Variants in ACTR3C observed in about 807,000 individuals in gnomAD.
ACTR3C encodes the protein actin-related protein 3C.
In ACTR3C, 18 loss-of-function variants were observed where a neutral mutation model predicts 26.3. That is an observed-to-expected ratio of 0.68 (90% CI 0.47 to 1.01). The LOEUF (loss-of-function observed/expected upper bound fraction) is 1.01, where lower values mean the gene tolerates loss of function less well. Among genes scored for constraint, ACTR3C ranks in the 50% least tolerant of loss-of-function variants. ACTR3C has a pLI of 0.00. For synonymous variants in ACTR3C, 55 were observed against 94.5 expected (o/e 0.58, Z 2.42); for missense variants, 184 against 250.7 (o/e 0.73, Z 1.80).
chr7:149,914,603 TAA>T, the ACTR3C span, among the ~76,000 whole-genome samples: 230 of 128,322 alleles, frequency 1.8e-3, 2 homozygotes, highest in South Asian at 0.038. Context: ...ACAGAAGTAG[TAA>T]AAAAAAAAAA....
the ACTR3C span, among the ~76,000 whole-genome samples, chr7:150,038,692 C>A: frequency 2.5e-3 from 361 of 143,596 alleles, 50 homozygotes; most frequent in African/African-American, 8.2e-3. Context: ...TACTTGGACA[C>A]CTAACACCCA....
the ACTR3C span, among the ~76,000 whole-genome samples, chr7:150,033,958 G>C: frequency 5.8e-5 from 6 of 103,568 alleles, no homozygotes; most frequent in Non-Finnish European, 1.1e-4. Context: ...AAGAGCGAGG[G>C]GGGGAAGGGG....
At chr7:150,122,622 G>A in the ACTR3C span, among the ~76,000 whole-genome samples, 5 of 152,162 alleles carry the variant, frequency 3.3e-5, no homozygotes, top group African/African-American at 7.2e-5. Context: ...AAATAAGAAC[G>A]CTTTTACACT....
At chr7:150,283,443 A>T (rs1013225270) in intron 6 of ACTR3C, among the ~76,000 whole-genome samples, 1 of 150,192 alleles carries the variant, frequency 6.7e-6, no homozygotes, top group Non-Finnish European at 1.5e-5. Flanking sequence ...AACAGAAAAA[A>T]ATTTTAATTA....
chr7:150,261,558 A>C (rs1462271263), intron 6 of ACTR3C, among the ~76,000 whole-genome samples: 17 of 152,376 alleles, frequency 1.1e-4, no homozygotes, highest in African/African-American at 4.1e-4. Flanking sequence ...AAAAATTAGC[A>C]GGGCGTGGTG....
At chr7:150,307,821 A>G (rs1278649726) in intron 1 of ACTR3C, among the ~76,000 whole-genome samples, 1 of 152,162 alleles carries the variant, frequency 6.6e-6, no homozygotes, top group East Asian at 1.9e-4. Flanking sequence ...CAGCCCAAAC[A>G]AAACACCTCA....
chr7:149,883,924 G>A, the ACTR3C span, among the ~76,000 whole-genome samples: 15 of 151,656 alleles, frequency 9.9e-5, 1 homozygote, highest in South Asian at 6.3e-4. Flanking sequence ...GAACTGTTTC[G>A]TACCTCAGCA....
the ACTR3C span, among the ~76,000 whole-genome samples, chr7:150,034,033 G>C: frequency 3.2e-4 from 48 of 151,468 alleles, no homozygotes; most frequent in African/African-American, 1.0e-3. Flanking sequence ...CCAAGAGCCA[G>C]GGGGGGAAGA....
chr7:150,314,852 G>A (rs150054556), intron 1 of ACTR3C, among the ~76,000 whole-genome samples: 2,322 of 149,724 alleles, frequency 0.016, 28 homozygotes, highest in Non-Finnish European at 0.027. Context: ...CTCACAAGGC[G>A]GAGGCGAGCG....
At chr7:150,227,071 T>A in the ACTR3C span, among the ~76,000 whole-genome samples, 12 of 148,838 alleles carry the variant, frequency 8.1e-5, no homozygotes, top group African/African-American at 3.1e-4. Context: ...ATATACATTG[T>A]AGAAAGATTT....
At chr7:149,950,384 T>A in the ACTR3C span, among the ~76,000 whole-genome samples, 2 of 146,548 alleles carry the variant, frequency 1.4e-5, no homozygotes, top group South Asian at 4.2e-4. Flanking sequence ...CGAGGGTTGG[T>A]TGCCAGACTC....
chr7:150,123,347 G>A, the ACTR3C span, among the ~76,000 whole-genome samples: 4 of 152,190 alleles, frequency 2.6e-5, no homozygotes, highest in South Asian at 2.1e-4. Context: ...ACAGATGCAC[G>A]TAAAGCTGTT....
At chr7:150,170,547 A>G in the ACTR3C span, among the ~76,000 whole-genome samples, 7 of 150,314 alleles carry the variant, frequency 4.7e-5, no homozygotes, top group Admixed American at 2.0e-4. Context: ...GGCCCATTGA[A>G]CTCAGTCTCT....
At chr7:149,966,576 G>T in the ACTR3C span, among the ~76,000 whole-genome samples, 1 of 152,102 alleles carries the variant, frequency 6.6e-6, no homozygotes, top group African/African-American at 2.4e-5. Flanking sequence ...GAGGAAACTG[G>T]CCTACAGTTT....
the ACTR3C span, among the ~76,000 whole-genome samples, chr7:149,983,449 G>GTGTGTATATATACATA: frequency 4.3e-4 from 10 of 23,324 alleles, no homozygotes; most frequent in Non-Finnish European, 8.0e-4. Context: ...GTGTGTGTGT[G>GTGTGTATATATACATA]TATATATATA....
the ACTR3C span, among the ~76,000 whole-genome samples, chr7:150,206,895 T>C: frequency 2.7e-4 from 41 of 152,364 alleles, no homozygotes; most frequent in Admixed American, 6.5e-4. Flanking sequence ...TTGTTTTTAT[T>C]TTTTCATATC....
the ACTR3C span, among the ~76,000 whole-genome samples, chr7:150,028,665 G>A: frequency 1.3e-5 from 2 of 152,238 alleles, no homozygotes; most frequent in Non-Finnish European, 2.9e-5. Flanking sequence ...GGGAAGAGGA[G>A]GGCCTGTGCA....
At chr7:150,213,745 AC>A in the ACTR3C span, among the ~76,000 whole-genome samples, 2 of 150,678 alleles carry the variant, frequency 1.3e-5, no homozygotes, top group Non-Finnish European at 3.0e-5. Context: ...TTATGAGAAG[AC>A]AAAAAAGGGA....
downstream of ACTR3C, among the ~76,000 whole-genome samples, chr7:150,240,591 T>A (rs1262095731): frequency 6.6e-6 from 1 of 151,746 alleles, no homozygotes; most frequent in South Asian, 2.1e-4. Context: ...AAAGAAAAAA[T>A]TATCTATAGA....
Sources: allele counts gnomAD v4.1 joint callset (sites outside exome capture counted in the v4.1 genomes callset), GRCh38; gene constraint gnomAD v4.1.1; transcripts MANE v1.5; gene names NCBI Gene and HGNC (gene_info 2026-07-23, HGNC 2026-07-21).